The following SEMA3A variants were observed in gnomAD, a reference collection of about 807,000 sequenced individuals.
SEMA3A encodes semaphorin-3A.
Under a neutral mutation model 97.9 loss-of-function variants are expected in SEMA3A, and 29 were observed. That is an observed-to-expected ratio of 0.30 (90% CI 0.22 to 0.40). The LOEUF (loss-of-function observed/expected upper bound fraction) is 0.40, where lower values mean the gene tolerates loss of function less well. Among genes scored for constraint, SEMA3A ranks in the 10% least tolerant of loss-of-function variants. The pLI, the probability that SEMA3A is intolerant of heterozygous loss-of-function variation, is 1.00. For missense variants in SEMA3A, 763 were observed against 951.3 expected, an observed-to-expected ratio of 0.80 and a Z score of 2.60; for synonymous variants, 321 against 323.7, an observed-to-expected ratio of 0.99 and a Z score of 0.09.
At chr7:84,284,452 T>A (rs1458036881) in intron 3 of SEMA3A, among the ~76,000 whole-genome samples, 1 of 152,140 alleles carries the variant, frequency 6.6e-6, no homozygotes, top group Non-Finnish European at 1.5e-5. Flanking sequence ...GCCCTAAATC[T>A]GTCCTAGTTA....
intron 3 of SEMA3A, among the ~76,000 whole-genome samples, chr7:84,236,753 A>G (rs954961183): frequency 1.3e-5 from 2 of 152,130 alleles, no homozygotes; most frequent in African/African-American, 4.8e-5. Flanking sequence ...AGTCTATCAA[A>G]ACCAATTCAA....
chr7:84,393,693 G>C (rs1366373896), intron 1 of SEMA3A, among the ~76,000 whole-genome samples: 3 of 152,096 alleles, frequency 2.0e-5, no homozygotes, highest in African/African-American at 7.2e-5. Context: ...TTTTATCAGA[G>C]AGTAATACAT....
chr7:84,349,551 G>A (rs2116018729), intron 2 of SEMA3A, among the ~76,000 whole-genome samples: 1 of 152,286 alleles, frequency 6.6e-6, no homozygotes, highest in East Asian at 1.9e-4. Flanking sequence ...GAATAAGTGA[G>A]CATAGGTGAA....
intron 1 of SEMA3A, among the ~76,000 whole-genome samples, chr7:84,480,925 G>T (rs1027527560): frequency 6.6e-6 from 1 of 152,068 alleles, no homozygotes; most frequent in Non-Finnish European, 1.5e-5. Flanking sequence ...GACTTTAATA[G>T]CATGGAGCTT....
At chr7:84,263,272 G>A (rs906209276) in intron 3 of SEMA3A, among the ~76,000 whole-genome samples, 8 of 152,114 alleles carry the variant, frequency 5.3e-5, no homozygotes, top group Non-Finnish European at 1.2e-4. Context: ...GGCATGTGTA[G>A]GTGGGAATAC....
At chr7:84,320,490 T>C (rs1320646845) in intron 2 of SEMA3A, among the ~76,000 whole-genome samples, 1 of 152,148 alleles carries the variant, frequency 6.6e-6, no homozygotes, top group Non-Finnish European at 1.5e-5. Context: ...ATTGCTAGCA[T>C]CAACTAATAA....
intron 2 of SEMA3A, among the ~76,000 whole-genome samples, chr7:84,336,866 G>C (rs554394672): frequency 3.3e-5 from 5 of 152,154 alleles, no homozygotes; most frequent in African/African-American, 7.2e-5. Flanking sequence ...AAAAAATTAT[G>C]TACTATTTCT....
intron 3 of SEMA3A, among the ~76,000 whole-genome samples, chr7:84,275,321 A>G (rs1427970304): frequency 6.6e-6 from 1 of 152,124 alleles, no homozygotes; most frequent in Non-Finnish European, 1.5e-5. Flanking sequence ...ACATGAGACA[A>G]TCTGATATTT....
intron 3 of SEMA3A, among the ~76,000 whole-genome samples, chr7:84,223,983 A>G (rs895467678): frequency 1.2e-4 from 18 of 151,926 alleles, no homozygotes; most frequent in African/African-American, 3.9e-4. Flanking sequence ...TGGCCAAGGA[A>G]TTTCTTTAAA....
At chr7:84,236,498 T>C (rs1344891713) in intron 3 of SEMA3A, among the ~76,000 whole-genome samples, 3 of 152,098 alleles carry the variant, frequency 2.0e-5, no homozygotes, top group African/African-American at 4.8e-5. Context: ...TACTAAAATA[T>C]TAGTTTGGCA....
intron 2 of SEMA3A, among the ~76,000 whole-genome samples, chr7:84,323,821 G>T (rs892168146): frequency 2.0e-5 from 3 of 152,070 alleles, no homozygotes; most frequent in African/African-American, 7.2e-5. Context: ...TTAATTTTCT[G>T]ATATTATAAC....
chr7:84,131,782 A>G (rs1281497548), intron 2 of SEMA3A, among the ~76,000 whole-genome samples: 1 of 148,692 alleles, frequency 6.7e-6, no homozygotes, highest in Non-Finnish European at 1.5e-5. Context: ...TTATTTATTT[A>G]TTTATTTATT....
At chr7:84,219,260 T>C (rs1798819435) in intron 3 of SEMA3A, among the ~76,000 whole-genome samples, 1 of 152,210 alleles carries the variant, frequency 6.6e-6, no homozygotes, top group Non-Finnish European at 1.5e-5. Context: ...ATGTGCAGCC[T>C]GTCAAAGGAT....
At chr7:84,018,727 G>A (rs7800922) in intron 6 of SEMA3A, among the ~76,000 whole-genome samples, 38,784 of 152,040 alleles carry the variant, frequency 0.26, 5,803 homozygotes, top group East Asian at 0.43. Flanking sequence ...TAGTCAAGAA[G>A]AAGGGAGGTG....
chr7:84,309,691 G>A (rs1801265707), intron 2 of SEMA3A, among the ~76,000 whole-genome samples: 1 of 152,170 alleles, frequency 6.6e-6, no homozygotes, highest in African/African-American at 2.4e-5. Flanking sequence ...AGGAATCCTA[G>A]TATTCGTTTG....
intron 1 of SEMA3A, among the ~76,000 whole-genome samples, chr7:84,435,984 C>G (rs1308865205): frequency 6.6e-6 from 1 of 152,078 alleles, no homozygotes; most frequent in Non-Finnish European, 1.5e-5. Flanking sequence ...AAAACAGACA[C>G]ATAGATTAAT....
chr7:84,251,706 C>A (rs1225353406), intron 3 of SEMA3A, among the ~76,000 whole-genome samples: 1 of 152,168 alleles, frequency 6.6e-6, no homozygotes, highest in Non-Finnish European at 1.5e-5. Flanking sequence ...TCCTAAGCAG[C>A]AAAAGCCGTT....
intron 1 of SEMA3A, among the ~76,000 whole-genome samples, chr7:84,141,607 C>T (rs942739309): frequency 2.6e-5 from 4 of 152,038 alleles, no homozygotes; most frequent in Admixed American, 2.6e-4. Flanking sequence ...TATTTCATCA[C>T]CCACGTATTA....
chr7:84,404,037 G>T (rs943162705), intron 1 of SEMA3A, among the ~76,000 whole-genome samples: 1 of 152,174 alleles, frequency 6.6e-6, no homozygotes, highest in African/African-American at 2.4e-5. Flanking sequence ...GAACAAAGCT[G>T]GACGGAGAAC....
Sources: allele counts gnomAD v4.1 joint callset (sites outside exome capture counted in the v4.1 genomes callset), GRCh38; gene constraint gnomAD v4.1.1; transcripts MANE v1.5; gene names NCBI Gene and HGNC (gene_info 2026-07-23, HGNC 2026-07-21).